The following TXNDC16 variants were observed in gnomAD, a reference collection of about 807,000 sequenced individuals.
TXNDC16 encodes thioredoxin domain-containing protein 16.
TXNDC16 carries 74 observed loss-of-function variants against 85.6 expected under a neutral mutation model. The ratio of observed to expected loss-of-function variants is 0.86; its 90% CI spans 0.72 to 1.05. The LOEUF (loss-of-function observed/expected upper bound fraction) is 1.05, where lower values mean the gene tolerates loss of function less well. Ranked by LOEUF, TXNDC16 falls within the 50% of genes least tolerant of loss-of-function variation. The probability of loss-of-function intolerance (pLI) is 0.00; values close to 1 mark genes in which losing one functional copy is unlikely to be tolerated. For synonymous variants in TXNDC16, 335 were observed against 326.5 expected (o/e 1.03, Z -0.28); for missense variants, 959 against 947.0 (o/e 1.01, Z -0.17).
At chr14:52,456,705 T>C (rs1169689225) in intron 17 of TXNDC16, among the ~76,000 whole-genome samples, 1 of 152,150 alleles carries the variant, frequency 6.6e-6, no homozygotes, top group African/African-American at 2.4e-5. Flanking sequence ...AAAAAAGCAC[T>C]GATTTTTATA....
intron 6 of TXNDC16, among the ~76,000 whole-genome samples, chr14:52,530,179 TAA>T (rs1335547270): frequency 1.2e-5 from 1 of 86,848 alleles, no homozygotes; most frequent in African/African-American, 4.7e-5. Flanking sequence ...ATATTATATA[TAA>T]ATATATTATA....
chr14:52,446,955 C>G (rs2140107365), intron 18 of TXNDC16, among the ~76,000 whole-genome samples: 1 of 150,366 alleles, frequency 6.7e-6, no homozygotes, highest in Admixed American at 6.6e-5. Context: ...TTGCTGACTT[C>G]AGGTGAGACT....
At chr14:52,476,457 G>A (rs1452180386) in intron 14 of TXNDC16, among the ~76,000 whole-genome samples, 1 of 151,966 alleles carries the variant, frequency 6.6e-6, no homozygotes, top group Non-Finnish European at 1.5e-5. Context: ...AGTAAAGGGA[G>A]AAATATTCAA....
At chr14:52,530,437 ATAATATAT>A (rs2037511989) in intron 6 of TXNDC16, among the ~76,000 whole-genome samples, 2 of 17,602 alleles carry the variant, frequency 1.1e-4, no homozygotes, top group African/African-American at 3.1e-4. Flanking sequence ...ATAATAATAT[ATAATATAT>A]TATTATATAA....
At chr14:52,494,421 GAAC>G (rs1181208222) in intron 9 of TXNDC16, among the ~76,000 whole-genome samples, 1 of 152,162 alleles carries the variant, frequency 6.6e-6, no homozygotes, top group Non-Finnish European at 1.5e-5. Context: ...TAGGAAATGA[GAAC>G]AACCCCTGTC....
rs112484936 is a variant in TXNDC16, at chr14:52,440,722, C to G, written c.1845G>C (p.Pro615=). Residue 615 remains proline (P), a splice_region_variant and synonymous_variant, in exon 19 of 21, where the codon CCG becomes CCC. Transcript: ENST00000281741. The part of the protein sequence containing the change: ...IITDALLEMF[P]EITVENLPSY... ...TGGGAAGATTTTCCACAGTGATTTCCGGCTGTCAAAGAAAAGGAATAACAA... is the reference window on the plus strand; with the variant it reads ...TGGGAAGATTTTCCACAGTGATTTCGGGCTGTCAAAGAAAAGGAATAACAA... 6.2e-7 allele frequency: 1 copy of G among 1,601,626 alleles called. No individual in the cohort carries two copies. The highest frequency in any genetic ancestry group is 8.5e-7 in the Non-Finnish European group (1 of 1,176,268).
At chr14:52,460,265 G>T (rs1175529665) in intron 16 of TXNDC16, among the ~76,000 whole-genome samples, 3 of 151,972 alleles carry the variant, frequency 2.0e-5, no homozygotes, top group Non-Finnish European at 4.4e-5. Flanking sequence ...ACTGTTCAAA[G>T]AAATCAGAGA....
At chr14:52,480,508 T>C (rs1367846136) in intron 14 of TXNDC16, among the ~76,000 whole-genome samples, 1 of 151,670 alleles carries the variant, frequency 6.6e-6, no homozygotes, top group Non-Finnish European at 1.5e-5. Flanking sequence ...AAAAGTGGGC[T>C]AAGGACATGA....
chr14:52,517,666 T>C (rs2037116079), intron 7 of TXNDC16, among the ~76,000 whole-genome samples: 1 of 151,966 alleles, frequency 6.6e-6, no homozygotes, highest in African/African-American at 2.4e-5. Context: ...CTACATTCCA[T>C]CCTCTCTTGC....
intron 9 of TXNDC16, among the ~76,000 whole-genome samples, chr14:52,504,069 G>A (rs150007436): frequency 0.013 from 2,038 of 152,286 alleles, 44 homozygotes; most frequent in African/African-American, 0.046. Flanking sequence ...ATGGGACTAC[G>A]TGAAAAGACC....
chr14:52,488,936 C>A (rs148385203), intron 11 of TXNDC16, among the ~76,000 whole-genome samples: 1 of 151,578 alleles, frequency 6.6e-6, no homozygotes, highest in East Asian at 1.9e-4. Context: ...GAAATTAACT[C>A]CAAAATTACT....
chr14:52,493,392 CAT>C (rs1184492959), intron 9 of TXNDC16, among the ~76,000 whole-genome samples: 1 of 151,754 alleles, frequency 6.6e-6, no homozygotes, highest in Non-Finnish European at 1.5e-5. Flanking sequence ...AAATAAATAA[CAT>C]AGAGAAAATA....
chr14:52,550,571 C>T (rs2038022887), intron 1 of TXNDC16, among the ~76,000 whole-genome samples: 1 of 152,218 alleles, frequency 6.6e-6, no homozygotes, highest in African/African-American at 2.4e-5. Context: ...CTTACTGACA[C>T]ATGGCAGGTG....
chr14:52,523,198 T>A (rs2037251286), intron 6 of TXNDC16, among the ~76,000 whole-genome samples: 1 of 152,182 alleles, frequency 6.6e-6, no homozygotes, highest in South Asian at 2.1e-4. Flanking sequence ...GCTCTGTTGA[T>A]GGGGTAAAAC....
chr14:52,460,109 T>G (rs1026839295), intron 16 of TXNDC16, among the ~76,000 whole-genome samples: 6 of 152,166 alleles, frequency 3.9e-5, no homozygotes, highest in Non-Finnish European at 8.8e-5. Context: ...GCACAGTGGC[T>G]CACTCCTGTA....
rs911170465 is a variant in TXNDC16 at position 52,487,348 on chromosome 14, G to A, written c.1108+1015C>T. Among the ~76,000 whole-genome samples, 5 of 152,192 alleles carry A rather than the reference G, an allele frequency of 3.3e-5. No homozygotes were observed. In the East Asian group the frequency reaches 9.6e-4, roughly 29 times the overall value. ...TTACTAAATTTATAATATAGATTTT[G>A]ATCACAATGCATGGACCTCATGAAA... On this transcript the variant is annotated intron_variant, in intron 12 of 20. Transcript: ENST00000281741.
At chr14:52,456,030 A>G (rs999407589) in intron 17 of TXNDC16, among the ~76,000 whole-genome samples, 2 of 152,066 alleles carry the variant, frequency 1.3e-5, no homozygotes, top group Admixed American at 1.3e-4. Flanking sequence ...CTGAAACAAG[A>G]GCCCAAATCC....
chr14:52,515,929 G>T (rs1286706947), intron 7 of TXNDC16, among the ~76,000 whole-genome samples: 1 of 151,956 alleles, frequency 6.6e-6, no homozygotes, highest in Non-Finnish European at 1.5e-5. Context: ...GTACAGAATG[G>T]CCACTTTCCC....
intron 6 of TXNDC16, among the ~76,000 whole-genome samples, chr14:52,521,155 C>T (rs142110325): frequency 2.2e-3 from 338 of 151,924 alleles, no homozygotes; most frequent in African/African-American, 7.6e-3. Context: ...CTCTGTCGCC[C>T]GGGCTAGAGT....
Sources: gnomAD v4.1 joint callset for allele counts (sites outside exome capture counted in the v4.1 genomes callset) on GRCh38, gnomAD v4.1.1 for gene constraint, MANE v1.5 for transcripts, NCBI Gene and HGNC (gene_info 2026-07-23, HGNC 2026-07-21) for gene names.